The following XPR1 variants were observed in gnomAD, a reference collection of about 807,000 sequenced individuals.
XPR1 encodes solute carrier family 53 member 1.
XPR1 carries 28 observed loss-of-function variants against 87.5 expected under a neutral mutation model. That is an observed-to-expected ratio of 0.32 (90% CI 0.24 to 0.44). The LOEUF (loss-of-function observed/expected upper bound fraction) is 0.44. Ranked by LOEUF, XPR1 falls within the 20% of genes least tolerant of loss-of-function variation. XPR1 has a pLI of 1.00. For synonymous variants in XPR1, 300 were observed against 306.1 expected (o/e 0.98, Z 0.21); for missense variants, 559 against 862.3 (o/e 0.65, Z 4.41).
chr1:180,672,041 C>T (rs1332511297), intron 1 of XPR1, among the ~76,000 whole-genome samples: 1 of 152,070 alleles, frequency 6.6e-6, no homozygotes, highest in Non-Finnish European at 1.5e-5. Flanking sequence ...TGTTATCAGA[C>T]ATGTGGCCAA....
intron 2 of XPR1, among the ~76,000 whole-genome samples, chr1:180,755,685 T>C (rs1647709724): frequency 6.6e-6 from 1 of 152,244 alleles, no homozygotes; most frequent in Non-Finnish European, 1.5e-5. Context: ...ATGTATTTCT[T>C]AACCTTTAAC....
chr1:180,690,354 A>G (rs1343022824), intron 2 of XPR1, among the ~76,000 whole-genome samples: 1 of 152,026 alleles, frequency 6.6e-6, no homozygotes, highest in Non-Finnish European at 1.5e-5. Context: ...TCTTCCTTGG[A>G]CTCTCATGGA....
chr1:180,805,957 C>T (rs1327836598), intron 4 of XPR1, 105 bp from the exon 5 acceptor site: 2 of 1,259,778 alleles, frequency 1.6e-6, no homozygotes, highest in Admixed American at 5.4e-5. Flanking sequence ...TCCTAGAGTA[C>T]TTAATCTTTG....
In XPR1 at chr1:180,632,083, G is replaced by A. The variant is rs1221440474; in HGVS notation, c.-119G>A. ...TGAAGAGACCTCGGCGGCGGCGGAG[G>A]AGGAGAGAAGCGCAGCGCCGCGCCG... On this transcript the variant is annotated 5_prime_UTR_variant, in exon 1 of 15. Coordinates refer to ENST00000367590, the MANE Select transcript of XPR1 (RefSeq NM_004736.4). 3 of 1,231,676 alleles carry A rather than the reference G, an allele frequency of 2.4e-6. No individual in the cohort carries two copies. The highest frequency in any genetic ancestry group is 2.6e-5 in the South Asian group (2 of 77,584). The allele number at this position is 1,231,676 out of a possible 1,614,324, so 76.3% of individuals were successfully genotyped here. A position where few individuals can be genotyped will look rare whatever the true frequency, so the allele number is the denominator to read the frequency against.
chr1:180,812,238 A>C (rs1650243860), intron 7 of XPR1, among the ~76,000 whole-genome samples: 1 of 152,084 alleles, frequency 6.6e-6, no homozygotes, highest in South Asian at 2.1e-4. Flanking sequence ...TGACATCAAA[A>C]TGTTAGGGTA....
At chr1:180,654,452 G>T (rs1655384913) in intron 1 of XPR1, among the ~76,000 whole-genome samples, 1 of 152,030 alleles carries the variant, frequency 6.6e-6, no homozygotes, top group Non-Finnish European at 1.5e-5. Context: ...TCATTTTTAA[G>T]TACAGTTCAG....
intron 2 of XPR1, among the ~76,000 whole-genome samples, chr1:180,708,262 T>G (rs1457338389): frequency 2.0e-5 from 3 of 152,224 alleles, no homozygotes; most frequent in African/African-American, 7.2e-5. Context: ...GACTCTCATG[T>G]CATCTGTGAT....
At chr1:180,731,383 AAAAC>A (rs1029746522) in intron 2 of XPR1, among the ~76,000 whole-genome samples, 4 of 152,210 alleles carry the variant, frequency 2.6e-5, no homozygotes, top group Non-Finnish European at 5.9e-5. Context: ...CTGACTGACT[AAAAC>A]AAGGGGTTTA....
At chr1:180,823,574 A>G (rs1437806233) in intron 7 of XPR1, among the ~76,000 whole-genome samples, 2 of 152,234 alleles carry the variant, frequency 1.3e-5, no homozygotes, top group Non-Finnish European at 2.9e-5. Context: ...GTGCTGCGAG[A>G]TAAGTTTGGG....
rs186485619 is a variant in XPR1, at chr1:180,886,331, G to T, written c.*2265G>T. The T allele has an allele frequency of 6.6e-6, 1 of 152,280 alleles. No homozygotes were observed. Among genetic ancestry groups the T allele is most frequent in the Admixed American group, 6.5e-5 (1 of 15,298 alleles). The allele number at this position is 152,280 out of a possible 1,614,324, so 9.4% of individuals were successfully genotyped here. ...CATTTCTTATATAAATAAAATTGGT[G>T]GTACTAATGTGTATCCAGAGACATT... On this transcript the variant is annotated 3_prime_UTR_variant, in exon 15 of 15. Coordinates refer to ENST00000367590, the MANE Select transcript of XPR1 (RefSeq NM_004736.4).
At chr1:180,863,293 C>T (rs1459789880) in intron 11 of XPR1, among the ~76,000 whole-genome samples, 1 of 152,050 alleles carries the variant, frequency 6.6e-6, no homozygotes, top group East Asian at 1.9e-4. Context: ...TAAAAACAAT[C>T]CAAGAATTTC....
At chr1:180,873,016 T>G (rs908284254) in intron 12 of XPR1, among the ~76,000 whole-genome samples, 5 of 152,112 alleles carry the variant, frequency 3.3e-5, no homozygotes, top group Admixed American at 6.5e-5. Flanking sequence ...GTTTAAAAAT[T>G]TTTTAAGTAA....
rs778668838 is a variant in XPR1 at position 180,836,769 on chromosome 1, C to G, written c.1501+53C>G. On this transcript the variant is annotated intron_variant, in intron 11 of 14. Coordinates refer to ENST00000367590, the MANE Select transcript of XPR1 (RefSeq NM_004736.4). ...TTTTTTAAACCTGGATTTTTACTAC[C>G]TGACTCTATTTCTTACTCTGGCTAC... is the stretch of plus-strand genomic sequence containing the variant. 8 of 1,582,142 alleles carry G rather than the reference C, an allele frequency of 5.1e-6. No individual in the cohort carries two copies. The African/African-American group carries it at 5.4e-5, about 11-fold the overall frequency.
chr1:180,820,019 C>CA (rs963146509), intron 7 of XPR1, among the ~76,000 whole-genome samples: 157 of 134,984 alleles, frequency 1.2e-3, no homozygotes, highest in East Asian at 4.0e-3. Flanking sequence ...GACTCTGTCT[C>CA]AAAAAAAAAA....
intron 2 of XPR1, among the ~76,000 whole-genome samples, chr1:180,732,958 C>T (rs998227467): frequency 3.3e-5 from 5 of 152,084 alleles, no homozygotes; most frequent in African/African-American, 9.7e-5. Context: ...GGTGTCTGGC[C>T]GCTCAACGGC....
In XPR1 at chr1:180,888,728, C is replaced by G. The variant is rs1239719739; in HGVS notation, c.*4662C>G. On this transcript the variant is annotated 3_prime_UTR_variant, in exon 15 of 15. Coordinates refer to ENST00000367590, the MANE Select transcript of XPR1 (RefSeq NM_004736.4). ...TGCAAACACATACGTTTCTGCATTTCAGAAGTCAGTCTTGATAGTAAATCC... is the reference window on the plus strand; with the variant it reads ...TGCAAACACATACGTTTCTGCATTTGAGAAGTCAGTCTTGATAGTAAATCC... 3 of 152,162 alleles carry G rather than the reference C, an allele frequency of 2.0e-5. No homozygotes were observed. The highest frequency in any genetic ancestry group is 4.8e-5 in the African/African-American group (2 of 41,426). The allele number at this position is 152,162 out of a possible 1,614,324, so 9.4% of individuals were successfully genotyped here.
In XPR1 at chr1:180,889,871, A is replaced by G. The variant is rs1322217308; in HGVS notation, c.*5805A>G. 1 of 152,226 alleles carries G rather than the reference A, an allele frequency of 6.6e-6. No homozygotes were observed. The highest frequency in any genetic ancestry group is 1.5e-5 in the Non-Finnish European group (1 of 68,050). 9.4% of individuals were successfully genotyped at this position (152,226 alleles called of 1,614,324 possible). On this transcript the variant is annotated 3_prime_UTR_variant, in exon 15 of 15. Transcript: ENST00000367590. ...ATGAAACCCTGAGCTATAGTTGTCA[A>G]AAGTAACTATGGATTGTGATTAGTC...
At chr1:180,693,349 G>C (rs12143462) in intron 2 of XPR1, among the ~76,000 whole-genome samples, 47,643 of 152,016 alleles carry the variant, frequency 0.31, 8,222 homozygotes, top group Non-Finnish European at 0.38. Flanking sequence ...TCAGAGAGTA[G>C]TGGTTTTCCA....
intron 2 of XPR1, among the ~76,000 whole-genome samples, chr1:180,738,268 C>G (rs1230410687): frequency 6.6e-6 from 1 of 152,170 alleles, no homozygotes; most frequent in South Asian, 2.1e-4. Flanking sequence ...CACCTTGCCT[C>G]CCAAAGTGCT....
Sources: allele counts gnomAD v4.1 joint callset (sites outside exome capture counted in the v4.1 genomes callset), GRCh38; gene constraint gnomAD v4.1.1; transcripts MANE v1.5; gene names NCBI Gene and HGNC (gene_info 2026-07-23, HGNC 2026-07-21).